The following MAN1A1 variants were observed in gnomAD, a reference collection of about 807,000 sequenced individuals.
MAN1A1 encodes the protein mannosidase alpha class 1A member 1, also known as mannosyl-oligosaccharide 1,2-alpha-mannosidase IA.
A neutral mutation model predicts 70.8 loss-of-function variants in MAN1A1; 29 were observed. The ratio of observed to expected loss-of-function variants is 0.41; its 90% CI spans 0.31 to 0.56. MAN1A1 has a LOEUF of 0.56. Ranked by LOEUF, MAN1A1 falls within the 20% of genes least tolerant of loss-of-function variation. MAN1A1 has a pLI of 0.29. For missense variants in MAN1A1, 747 were observed against 841.3 expected, an observed-to-expected ratio of 0.89 and a Z score of 1.39; for synonymous variants, 349 against 330.1, an observed-to-expected ratio of 1.06 and a Z score of -0.62.
At chr6:119,337,563 C>A (rs12201828) in intron 2 of MAN1A1, among the ~76,000 whole-genome samples, 2 of 152,132 alleles carry the variant, frequency 1.3e-5, no homozygotes, top group Non-Finnish European at 2.9e-5. Context: ...CGGACGACTG[C>A]AAAGAGCCAA....
At chr6:119,350,509 C>G (rs1270662147), upstream of MAN1A1, 1 of 985,192 alleles carries the variant, frequency 1.0e-6, no homozygotes, top group Non-Finnish European at 1.2e-6. Context: ...CCCACCCGTA[C>G]TTTCACTATT....
intron 6 of MAN1A1, among the ~76,000 whole-genome samples, chr6:119,219,581 G>C (rs1774300331): frequency 6.6e-6 from 1 of 150,758 alleles, no homozygotes; most frequent in African/African-American, 2.4e-5. Context: ...CTAACCAAAA[G>C]AGATCTGTTT....
At chr6:119,192,271 T>C (rs1455459086) in intron 9 of MAN1A1, among the ~76,000 whole-genome samples, 1 of 152,132 alleles carries the variant, frequency 6.6e-6, no homozygotes, top group Admixed American at 6.5e-5. Flanking sequence ...TATGGAGAAC[T>C]CCCCAGGTTA....
At chr6:119,347,250 C>T in intron 2 of MAN1A1, among the ~76,000 whole-genome samples, 1 of 152,178 alleles carries the variant, frequency 6.6e-6, no homozygotes, top group East Asian at 1.9e-4. Flanking sequence ...ATCCTGCTGC[C>T]TTCATTCTGC....
intron 6 of MAN1A1, among the ~76,000 whole-genome samples, chr6:119,214,635 T>G (rs1774146410): frequency 6.6e-6 from 1 of 152,078 alleles, no homozygotes; most frequent in Non-Finnish European, 1.5e-5. Context: ...TCTTCCCACC[T>G]CAGCCTCCTG....
intron 6 of MAN1A1, among the ~76,000 whole-genome samples, chr6:119,233,262 A>C (rs1273240915): frequency 1.3e-5 from 2 of 152,216 alleles, no homozygotes; most frequent in African/African-American, 4.8e-5. Flanking sequence ...ACCACCTAAG[A>C]AAACCTCTTT....
intron 6 of MAN1A1, among the ~76,000 whole-genome samples, chr6:119,229,343 A>G (rs2114276518): frequency 6.6e-6 from 1 of 152,328 alleles, no homozygotes; most frequent in South Asian, 2.1e-4. Context: ...TGAGCAATGT[A>G]CATTGCACAT....
chr6:119,285,471 C>A (rs188424602), intron 5 of MAN1A1, among the ~76,000 whole-genome samples: 1 of 152,078 alleles, frequency 6.6e-6, no homozygotes. Context: ...CGAACTATAT[C>A]GATTACCTGA....
At chr6:119,180,290 T>G (rs779497454) in intron 12 of MAN1A1, 22 bp downstream of exon 12, 3 of 1,547,680 alleles carry the variant, frequency 1.9e-6, no homozygotes, top group African/African-American at 1.4e-5. Context: ...AGCCACATGG[T>G]TTTAGAATAA....
At chr6:119,347,084 G>A (rs115863520) in intron 2 of MAN1A1, among the ~76,000 whole-genome samples, 1,757 of 152,316 alleles carry the variant, frequency 0.012, 33 homozygotes, top group African/African-American at 0.039. Flanking sequence ...CAGAAAAGCA[G>A]ATATGCTGAT....
Position 119,302,077 on chromosome 6 carries a change from C to T in MAN1A1, c.727G>A (p.Asp243Asn). 1 of 1,603,834 alleles carries T rather than the reference C, an allele frequency of 6.2e-7. No individual in the cohort carries two copies. The highest frequency in any genetic ancestry group is 8.5e-7 in the Non-Finnish European group (1 of 1,171,614). Residue 243 changes from aspartate to asparagine, a missense_variant, in exon 4 of 13, where the codon GAT becomes AAT. Physicochemically the swap from Asp to Asn is conservative, Grantham distance 23. This residue lies in a region of MAN1A1 where 419 missense variants were observed against 548.2 expected (regional missense o/e 0.76). Coordinates refer to ENST00000368468, the MANE Select transcript of MAN1A1 (RefSeq NM_005907.4). ...FGNIKGATIVDALDTLFIMEM... is the reference protein window; with the variant it reads ...FGNIKGATIVNALDTLFIMEM... ...ATAATAAAAAGTGTATCCAGGGCAT[C>T]TACTATAGTTGCTCCTTTGATGTTA...
chr6:119,179,546 C>T lies in MAN1A1; in HGVS notation c.*273G>A, dbSNP rs907958776. On this transcript the variant is annotated 3_prime_UTR_variant, in exon 13 of 13. Coordinates refer to ENST00000368468, the MANE Select transcript of MAN1A1 (RefSeq NM_005907.4). ...ACAATTCTATTCAGTTTAACAAAAACGATATTACACCTTCATGAAATCCAG... is the reference window on the plus strand; with the variant it reads ...ACAATTCTATTCAGTTTAACAAAAATGATATTACACCTTCATGAAATCCAG... 5 of 229,062 alleles carry T rather than the reference C, an allele frequency of 2.2e-5. No individual in the cohort carries two copies. The highest frequency in any genetic ancestry group is 8.6e-5 in the East Asian group (1 of 11,594). The allele number at this position is 229,062 out of a possible 1,614,324, so 14.2% of individuals were successfully genotyped here. A position where few individuals can be genotyped will look rare whatever the true frequency, so the allele number is the denominator to read the frequency against.
intron 5 of MAN1A1, among the ~76,000 whole-genome samples, chr6:119,286,712 T>A (rs944228811): frequency 8.5e-5 from 13 of 152,162 alleles, no homozygotes; most frequent in African/African-American, 3.1e-4. Flanking sequence ...GGCTACTGTT[T>A]TTCTATTTTA....
At chr6:119,335,779 A>G (rs1773434808) in intron 2 of MAN1A1, among the ~76,000 whole-genome samples, 1 of 152,214 alleles carries the variant, frequency 6.6e-6, no homozygotes, top group African/African-American at 2.4e-5. Flanking sequence ...GAAATCCTAA[A>G]CGACATGTGT....
At chr6:119,231,320 A>G (rs536580675) in intron 6 of MAN1A1, among the ~76,000 whole-genome samples, 25 of 151,960 alleles carry the variant, frequency 1.6e-4, no homozygotes, top group African/African-American at 6.0e-4. Flanking sequence ...GTCTCATGAG[A>G]TCTGATGGTT....
At chr6:119,255,257 C>T (rs1350057001) in intron 5 of MAN1A1, among the ~76,000 whole-genome samples, 6 of 152,202 alleles carry the variant, frequency 3.9e-5, no homozygotes, top group Non-Finnish European at 4.4e-5. Context: ...CAAAGCTTTT[C>T]TTCAAATGCT....
intron 5 of MAN1A1, among the ~76,000 whole-genome samples, chr6:119,287,894 C>G (rs1033034249): frequency 4.0e-5 from 6 of 151,842 alleles, no homozygotes; most frequent in African/African-American, 1.5e-4. Flanking sequence ...ATCTTATCCC[C>G]ATCCTATCTG....
chr6:119,256,411 A>ATTTTTTTTTTT (rs372688734), intron 5 of MAN1A1, among the ~76,000 whole-genome samples: 1 of 117,884 alleles, frequency 8.5e-6, no homozygotes. Flanking sequence ...ATTGTATCTC[A>ATTTTTTTTTTT]TTATTTTTTT....
In MAN1A1 at chr6:119,189,763, C is replaced by T. The variant is rs370115197; in HGVS notation, c.1447G>A (p.Ala483Thr). The change falls in exon 10 of 13, where the codon GCA (alanine) becomes ACA (threonine). Residue 483 changes from alanine to threonine, a missense_variant. Coordinates refer to ENST00000368468, the MANE Select transcript of MAN1A1 (RefSeq NM_005907.4). ...TCGGGAGCTGCATCAGCCCCGAGTG[C>T]GAACATGCCCCCCGCGAAGCAGGTC... is the stretch of plus-strand genomic sequence containing the variant. ...HLTCFAGGMF[A>T]LGADAAPEGM... 1.7e-5 allele frequency: 27 copies of T among 1,613,960 alleles called. No individual in the cohort carries two copies. Among genetic ancestry groups the T allele is most frequent in the African/African-American group, 6.7e-5 (5 of 74,904 alleles).
Sources: allele counts gnomAD v4.1 joint callset (sites outside exome capture counted in the v4.1 genomes callset), GRCh38; gene constraint gnomAD v4.1.1; regional missense constraint gnomAD v4.1.1; transcripts MANE v1.5; gene names NCBI Gene and HGNC (gene_info 2026-07-23, HGNC 2026-07-21).